Variants in NEURL4 observed in about 807,000 individuals in gnomAD.
NEURL4 encodes neuralized-like protein 4.
NEURL4 carries 45 observed loss-of-function variants against 148.0 expected under a neutral mutation model. The ratio of observed to expected loss-of-function variants is 0.30; its 90% confidence interval spans 0.24 to 0.39. The LOEUF (loss-of-function observed/expected upper bound fraction) is 0.39, where lower values mean the gene tolerates loss of function less well. Among genes scored for constraint, NEURL4 ranks in the 10% least tolerant of loss-of-function variants. The pLI, the probability that NEURL4 is intolerant of heterozygous loss-of-function variation, is 1.00. For missense variants in NEURL4, 1,776 were observed against 2,144.0 expected (o/e 0.83, Z 3.39); for synonymous variants, 854 against 869.0 (o/e 0.98, Z 0.30).
At chr17:7,323,263 C>A in intron 14 of NEURL4, 140 bp from the exon 15 acceptor site, 1 of 1,006,132 alleles carries the variant, frequency 9.9e-7, no homozygotes, top group South Asian at 1.6e-5. Flanking sequence ...CCTATCTCCT[C>A]TGTCCCTGGG....
In NEURL4 at chr17:7,327,647, T is replaced by C; in HGVS notation, c.520A>G (p.Asn174Asp). 6.2e-7 allele frequency: 1 copy of C among 1,613,652 alleles called. No homozygotes were observed. Among genetic ancestry groups the C allele is most frequent in the Non-Finnish European group, 8.5e-7 (1 of 1,179,984 alleles). Reference protein sequence around the residue: ...TVAGELRLWVNGRDCGVAATG... With the variant: ...TVAGELRLWVDGRDCGVAATG... ...GCAGCCACACCGCAATCCCGCCCAT[T>C]CACCCAGAGCCGAAGCTCCCCAGCA... is the stretch of plus-strand genomic sequence containing the variant. The change falls in exon 2 of 29, where the codon AAT (asparagine) becomes GAT (aspartate). Residue 174 changes from asparagine (N) to aspartate (D), a missense_variant. Physicochemically the swap from Asn to Asp is conservative, Grantham distance 23. Transcript: ENST00000399464. The surrounding 1 kb of genome is among the most constrained non-coding windows in gnomAD (Gnocchi z 6.6).
In NEURL4 at chr17:7,317,594, G is replaced by A. The variant is rs761100288; in HGVS notation, c.4206-21C>T. ...TCACTCTAGGAGGTGGACAAGCGGG[G>A]CAGATACAACGAAGGCCACTGACTC... On this transcript the variant is annotated intron_variant, in intron 26 of 28. Coordinates refer to ENST00000399464, the MANE Select transcript of NEURL4 (RefSeq NM_032442.3). The A allele has an allele frequency of 6.8e-6, 11 of 1,610,414 alleles. No homozygotes were observed. In the Admixed American group the frequency reaches 1.5e-4, roughly 22 times the overall value.
In NEURL4 at chr17:7,317,188, C is replaced by A; in HGVS notation, c.4484+17G>T. On this transcript the variant is annotated intron_variant, in intron 28 of 28. Coordinates refer to ENST00000399464, the MANE Select transcript of NEURL4 (RefSeq NM_032442.3). ...CCGAGCCCCTGGAAATCTCTCCCCA[C>A]CCCTCCCAGTACTCACTGCACTTTG... The A allele has an allele frequency of 1.4e-6, 2 of 1,457,888 alleles. No individual in the cohort carries two copies. Among genetic ancestry groups the A allele is most frequent in the Non-Finnish European group, 1.8e-6 (2 of 1,103,380 alleles). The allele number at this position is 1,457,888 out of a possible 1,614,324, so 90.3% of individuals were successfully genotyped here.
rs1386434632 is a variant in NEURL4 at position 7,322,841 on chromosome 17, A to G, written c.2619T>C (p.Tyr873=). ...TGATGGACACTTGGACACACTGGCC[A>G]TAGAGATCGACTACCGCATACACCT... is the stretch of plus-strand genomic sequence containing the variant. The part of the protein sequence containing the change: ...GKEVYAVVDL[Y]GQCVQVSITN... The change falls in exon 16 of 29, where the codon TAT becomes TAC. Residue 873 remains tyrosine, a synonymous_variant. Coordinates refer to ENST00000399464, the MANE Select transcript of NEURL4 (RefSeq NM_032442.3). The surrounding 1 kb of genome is among the most constrained non-coding windows in gnomAD (Gnocchi z 5.5). The G allele has an allele frequency of 4.5e-5, 73 of 1,614,068 alleles. No homozygotes were observed. Among genetic ancestry groups the G allele is most frequent in the Non-Finnish European group, 5.6e-5 (66 of 1,179,972 alleles).
chr17:7,317,706 C>A, intron 26 of NEURL4, 82 bp downstream of exon 26: 1 of 1,585,092 alleles, frequency 6.3e-7, no homozygotes. Flanking sequence ...AGTTCTATTA[C>A]TTCTTCCATG....
At position 7,319,169 on chromosome 17, in the gene NEURL4, G is replaced by A. The variant is rs1205987525; in HGVS notation, c.3565C>T (p.Leu1189Phe). Residue 1189 changes from leucine (L) to phenylalanine (F), a missense_variant, in exon 22 of 29, where the codon CTT becomes TTT. Transcript: ENST00000399464. Reference sequence around the variant, plus strand: ...GCGCAGGTGATGACTCCCAGGACAAGGGAAGATGTCCACTGTCGGTTTAGG... The same window carrying A: ...GCGCAGGTGATGACTCCCAGGACAAAGGAAGATGTCCACTGTCGGTTTAGG... ...DFLNRQWTSS[L>F]VLGVITCAPE... The A allele has an allele frequency of 6.2e-7, 1 of 1,613,762 alleles. No individual in the cohort carries two copies. The highest frequency in any genetic ancestry group is 1.1e-5 in the South Asian group (1 of 91,060).
In NEURL4 at chr17:7,321,271, G is replaced by A. The variant is rs751181797; in HGVS notation, c.3201C>T (p.Asn1067=). The A allele has an allele frequency of 1.7e-5, 27 of 1,613,200 alleles. No individual in the cohort carries two copies. Among genetic ancestry groups the A allele is most frequent in the East Asian group, 2.2e-5 (1 of 44,866 alleles). ...MGPAATGIAK[N]VWAVLDLYGP... is the part of the protein sequence containing the mutation. Reference sequence around the variant, plus strand: ...CGTAGAGATCCAACACAGCCCACACGTTCTGGGAGGCACACAAGACCCAGA... The same window carrying A: ...CGTAGAGATCCAACACAGCCCACACATTCTGGGAGGCACACAAGACCCAGA... The change falls in exon 20 of 29, where the codon AAC becomes AAT. Residue 1067 remains asparagine, a splice_region_variant and synonymous_variant. Transcript: ENST00000399464. This position sits in a 1 kb window ranked among gnomAD's most constrained non-coding sequence, Gnocchi z 6.3.
In NEURL4 at chr17:7,326,493, G is replaced by T. The variant is rs1416447320; in HGVS notation, c.1148C>A (p.Thr383Asn). 1 of 1,614,024 alleles carries T rather than the reference G, an allele frequency of 6.2e-7. No homozygotes were observed. The highest frequency in any genetic ancestry group is 8.5e-7 in the Non-Finnish European group (1 of 1,180,030). The change falls in exon 5 of 29, where the codon ACC (threonine) becomes AAC (asparagine). Residue 383 changes from threonine to asparagine, a missense_variant. Coordinates refer to ENST00000399464, the MANE Select transcript of NEURL4 (RefSeq NM_032442.3). This position sits in a 1 kb window ranked among gnomAD's most constrained non-coding sequence, Gnocchi z 6.0. ...CTCCAAACTGTTGGGGTTGTGGGTG[G>T]TGACCCCAATCTCAATGGAGCCTGA... ...KWSGSIEIGV[T>N]THNPNSLEYP...
At chr17:7,320,148 T>A (rs1310595738) in intron 21 of NEURL4, among the ~76,000 whole-genome samples, 1 of 151,382 alleles carries the variant, frequency 6.6e-6, no homozygotes, top group African/African-American at 2.4e-5. Context: ...TTTTTTTTTT[T>A]AAGATACAAG....
At chr17:7,320,661 GCTTT>G (rs982444609) in intron 21 of NEURL4, 94 bp downstream of exon 21, 40 of 1,136,630 alleles carry the variant, frequency 3.5e-5, no homozygotes, top group Middle Eastern at 2.9e-4. Context: ...CAAGTGGCTT[GCTTT>G]CTTTTTCTCC....
At chr17:7,319,885 A>T (rs2073007106) in intron 21 of NEURL4, among the ~76,000 whole-genome samples, 1 of 151,440 alleles carries the variant, frequency 6.6e-6, no homozygotes, top group Non-Finnish European at 1.5e-5. Flanking sequence ...GCTGGAGTGC[A>T]GCGGTGCGAT....
rs750296838 is a variant in NEURL4, at chr17:7,319,032, T to C, written c.3684+18A>G. ...CTCACAGGCCTGGTCCTGTTCCTTC[T>C]CTCTGGCTCCTACTCACCTTGAGAC... On this transcript the variant is annotated intron_variant, in intron 22 of 28. Transcript: ENST00000399464. 8.8e-6 allele frequency: 14 copies of C among 1,595,146 alleles called. No homozygotes were observed. The highest frequency in any genetic ancestry group is 2.7e-5 in the African/African-American group (2 of 74,156).
chr17:7,325,470 A>G lies in NEURL4; in HGVS notation c.1370T>C (p.Val457Ala). Residue 457 changes from valine to alanine, a missense_variant, in exon 8 of 29, where the codon GTG becomes GCG. Val to Ala is a moderately conservative substitution (Grantham distance 64). Coordinates refer to ENST00000399464, the MANE Select transcript of NEURL4 (RefSeq NM_032442.3). ...HFFINGIDQG[V>A]ATPLTPPVVY... ...CACTGGGGGCGTCAAGGGGGTTGCC[A>G]CTCCTGTGGCAGGAAGGTACGGGGG... 6.2e-7 allele frequency: 1 copy of G among 1,610,612 alleles called. No homozygotes were observed. The highest frequency in any genetic ancestry group is 8.5e-7 in the Non-Finnish European group (1 of 1,179,664).
chr17:7,321,212 G>A lies in NEURL4; in HGVS notation c.3260C>T (p.Thr1087Met), dbSNP rs780878424. The change falls in exon 20 of 29, where the codon ACG becomes ATG. Residue 1087 changes from threonine to methionine, a missense_variant. Thr to Met is a moderately conservative substitution (Grantham distance 81). Coordinates refer to ENST00000399464, the MANE Select transcript of NEURL4 (RefSeq NM_032442.3). The surrounding 1 kb of genome is among the most constrained non-coding windows in gnomAD (Gnocchi z 6.3). ...PVRGVSIVSS[T>M]RLEESEGTQP... ...GGTGCCTTCTGACTCCTCCAGTCTCGTGGAACTGACAATTGACACACCGCG... is the reference window on the plus strand; with the variant it reads ...GGTGCCTTCTGACTCCTCCAGTCTCATGGAACTGACAATTGACACACCGCG... 1.2e-5 allele frequency: 20 copies of A among 1,613,954 alleles called. No individual in the cohort carries two copies. The highest frequency in any genetic ancestry group is 9.9e-5 in the South Asian group (9 of 91,078).
Position 7,321,022 on chromosome 17 carries a change from A to C in NEURL4, c.3360+90T>G. On this transcript the variant is annotated intron_variant, in intron 20 of 28. Coordinates refer to ENST00000399464, the MANE Select transcript of NEURL4 (RefSeq NM_032442.3). This position sits in a 1 kb window ranked among gnomAD's most constrained non-coding sequence, Gnocchi z 6.3. Reference sequence around the variant, plus strand: ...AGATCCTGAGTGTGAGCCTCCACCCAACGATCAGAGAACCCAGAAAAGGCC... The same window carrying C: ...AGATCCTGAGTGTGAGCCTCCACCCCACGATCAGAGAACCCAGAAAAGGCC... 1 of 1,591,488 alleles carries C rather than the reference A, an allele frequency of 6.3e-7. No individual in the cohort carries two copies. Among genetic ancestry groups the C allele is most frequent in the Non-Finnish European group, 8.6e-7 (1 of 1,166,024 alleles).
Position 7,317,231 on chromosome 17 carries a change from C to T in NEURL4, c.4458G>A (p.Gly1486=). ...GCACTTTGGAGGCCAGGGTCTCCGC[C>T]CCAGCATATTGAAGGGAGGGGGAAA... ...VLLSPSLQYA[G]AETLASKVQF... The change falls in exon 28 of 29, where the codon GGG becomes GGA. Residue 1486 remains glycine (G), a synonymous_variant. Transcript: ENST00000399464. 6.6e-7 allele frequency: 1 copy of T among 1,519,506 alleles called. No individual in the cohort carries two copies. The highest frequency in any genetic ancestry group is 8.8e-7 in the Non-Finnish European group (1 of 1,136,530). The allele number at this position is 1,519,506 out of a possible 1,614,324, so 94.1% of individuals were successfully genotyped here.
In NEURL4 at chr17:7,317,553, G is replaced by C; in HGVS notation, c.4226C>G (p.Ala1409Gly). Residue 1409 changes from alanine to glycine, a missense_variant, in exon 27 of 29, where the codon GCT becomes GGT. Ala to Gly is a moderately conservative substitution (Grantham distance 60, BLOSUM62 0). Coordinates refer to ENST00000399464, the MANE Select transcript of NEURL4 (RefSeq NM_032442.3). ...FNLRVNPRLE[A>G]GTLTKKWHMA... ...GTGCCACTTCTTGGTTAGTGTCCCAGCCTCCAGGCGGGGATTCACTCTAGG... is the reference window on the plus strand; with the variant it reads ...GTGCCACTTCTTGGTTAGTGTCCCACCCTCCAGGCGGGGATTCACTCTAGG... 6.2e-7 allele frequency: 1 copy of C among 1,614,146 alleles called. No individual in the cohort carries two copies. The highest frequency in any genetic ancestry group is 1.1e-5 in the South Asian group (1 of 91,082).
Position 7,325,318 on chromosome 17 carries a change from G to A in NEURL4, c.1522C>T (p.Arg508Cys), listed in dbSNP as rs200500525. The A allele has an allele frequency of 1.8e-4, 285 of 1,613,094 alleles. 2 individuals carry two copies. The highest frequency in any genetic ancestry group is 1.7e-4 in the Middle Eastern group (1 of 6,040). ...GCCTGGGCGGCAGGGGCAGCACGGC[G>A]GAGAGCACCCTCGGGGGACAGCGCC... ...LRALSPEGAL[R>C]RAAPAAQAEP... is the part of the protein sequence containing the mutation. The change falls in exon 8 of 29, where the codon CGC becomes TGC. Residue 508 changes from arginine to cysteine, a missense_variant. Physicochemically the swap from Arg to Cys is radical, Grantham distance 180. Coordinates refer to ENST00000399464, the MANE Select transcript of NEURL4 (RefSeq NM_032442.3).
chr17:7,318,561 C>G lies in NEURL4; in HGVS notation c.3798G>C (p.Gly1266=), dbSNP rs773699370. 6.2e-7 allele frequency: 1 copy of G among 1,613,698 alleles called. No homozygotes were observed. The highest frequency in any genetic ancestry group is 1.3e-5 in the African/African-American group (1 of 75,030). Residue 1266 remains glycine (G), a synonymous_variant, in exon 23 of 29, where the codon GGG becomes GGC. Transcript: ENST00000399464. This position sits in a 1 kb window ranked among gnomAD's most constrained non-coding sequence, Gnocchi z 4.3. Reference sequence around the variant, plus strand: ...GCTGGGGCACATCTGGCACAGCTACCCCCTGGTCCACCCCATTAACATGAA... The same window carrying G: ...GCTGGGGCACATCTGGCACAGCTACGCCCTGGTCCACCCCATTAACATGAA... The part of the protein sequence containing the change: ...LHLHVNGVDQ[G]VAVPDVPQPC...
Sources: allele counts gnomAD v4.1 joint callset (sites outside exome capture counted in the v4.1 genomes callset), GRCh38; gene constraint gnomAD v4.1.1; non-coding constraint Gnocchi (gnomAD v3.1); transcripts MANE v1.5; gene names NCBI Gene and HGNC (gene_info 2026-07-23, HGNC 2026-07-21).